Variants in GRM7 observed in about 807,000 individuals in gnomAD.
GRM7 encodes glutamate metabotropic receptor 7.
In GRM7, 35 loss-of-function variants were observed where a neutral mutation model predicts 84.5. The ratio of observed to expected loss-of-function variants is 0.41; its 90% CI spans 0.32 to 0.55. The LOEUF is 0.55. GRM7 is among the 20% of genes least tolerant of loss of function. The pLI is 0.19. For synonymous variants in GRM7, 487 were observed against 455.1 expected (o/e 1.07, Z -0.89); for missense variants, 1,003 against 1,194.6 (o/e 0.84, Z 2.36).
chr3:7,074,407 A>G (rs1163402638), intron 1 of GRM7, among the ~76,000 whole-genome samples: 2 of 152,200 alleles, frequency 1.3e-5, no homozygotes, highest in South Asian at 2.1e-4. Context: ...GCTCTGTGCA[A>G]CACTGCTCTC....
At position 7,477,807 on chromosome 3, in the gene GRM7, A is replaced by G. The variant is rs139754056; in HGVS notation, c.1515+16085A>G. Among the ~76,000 whole-genome samples, 559 of 152,248 alleles carry G rather than the reference A, an allele frequency of 3.7e-3. 4 individuals carry two copies. Among genetic ancestry groups the G allele is most frequent in the African/African-American group, 0.013 (533 of 41,550 alleles). The stretch of plus-strand genomic sequence containing the variant: ...CTCTCCTTGTGAAGCCTGTATCTCC[A>G]GTTAAAAAGTAAAATCACACACGCA... On this transcript the variant is annotated intron_variant, in intron 7 of 9. Transcript: ENST00000357716.
chr3:7,239,691 C>T (rs776421919), intron 2 of GRM7, among the ~76,000 whole-genome samples: 1 of 152,126 alleles, frequency 6.6e-6, no homozygotes, highest in Non-Finnish European at 1.5e-5. Context: ...CATTTTTGAT[C>T]TGGGAAAATT....
intron 1 of GRM7, among the ~76,000 whole-genome samples, chr3:7,030,376 G>A (rs908070838): frequency 6.6e-6 from 1 of 152,106 alleles, no homozygotes; most frequent in Non-Finnish European, 1.5e-5. Context: ...CACTTTTGGG[G>A]GTGGGAGATA....
chr3:7,004,132 A>C (rs967416352), intron 1 of GRM7, among the ~76,000 whole-genome samples: 7 of 152,224 alleles, frequency 4.6e-5, no homozygotes, highest in African/African-American at 1.7e-4. Flanking sequence ...TAACCTGATA[A>C]GTCATACTCC....
intron 2 of GRM7, among the ~76,000 whole-genome samples, chr3:7,212,847 T>C (rs975456040): frequency 6.6e-6 from 1 of 152,212 alleles, no homozygotes; most frequent in African/African-American, 2.4e-5. Flanking sequence ...CTGTCAGGCA[T>C]TGAGAAGACA....
chr3:7,461,827 C>A, intron 7 of GRM7, 105 bp downstream of exon 7: 1 of 1,017,144 alleles, frequency 9.8e-7, no homozygotes, highest in Non-Finnish European at 1.5e-6. Flanking sequence ...TGTGCATATA[C>A]AAGTGAGCAT....
At chr3:7,136,366 G>A (rs1163419800) in intron 1 of GRM7, among the ~76,000 whole-genome samples, 1 of 151,726 alleles carries the variant, frequency 6.6e-6, no homozygotes, top group African/African-American at 2.4e-5. Context: ...GTTATGTCTG[G>A]CAAAGTTTGA....
At chr3:7,692,048 T>C (rs896801051) in intron 9 of GRM7, among the ~76,000 whole-genome samples, 1 of 152,328 alleles carries the variant, frequency 6.6e-6, no homozygotes, top group African/African-American at 2.4e-5. Context: ...GAAGTCATGA[T>C]ATCTAGGATT....
At chr3:6,930,820 A>T (rs1697473507) in intron 1 of GRM7, among the ~76,000 whole-genome samples, 2 of 152,290 alleles carry the variant, frequency 1.3e-5, no homozygotes, top group African/African-American at 4.8e-5. Flanking sequence ...TGAGCATAAG[A>T]ATGCGTCTTT....
rs181343772 is a variant in GRM7, at chr3:7,526,541, T to C, written c.1516-51881T>C. Among the ~76,000 whole-genome samples, 553 of 152,012 alleles carry C rather than the reference T, an allele frequency of 3.6e-3. 4 individuals carry two copies. Among genetic ancestry groups the C allele is most frequent in the African/African-American group, 0.012 (503 of 41,360 alleles). On this transcript the variant is annotated intron_variant, in intron 7 of 9. Coordinates refer to ENST00000357716, the MANE Select transcript of GRM7 (RefSeq NM_000844.4). The stretch of plus-strand genomic sequence containing the variant: ...AAAAGTTCTTTAGTTTAATTAGTTC[T>C]TAACTGTCAATTTTTGTTTTTGTTT...
intron 9 of GRM7, among the ~76,000 whole-genome samples, chr3:7,683,540 C>T (rs188382493): frequency 1.3e-5 from 2 of 152,142 alleles, no homozygotes; most frequent in African/African-American, 2.4e-5. Flanking sequence ...TACCTCCAAA[C>T]ATTGGGGTTT....
At chr3:6,873,608 C>A (rs1266474532) in intron 1 of GRM7, among the ~76,000 whole-genome samples, 1 of 152,184 alleles carries the variant, frequency 6.6e-6, no homozygotes, top group African/African-American at 2.4e-5. Flanking sequence ...TAATACAATG[C>A]CTACCACACA....
At chr3:7,476,820 C>CT (rs1308024238) in intron 7 of GRM7, among the ~76,000 whole-genome samples, 2 of 152,172 alleles carry the variant, frequency 1.3e-5, no homozygotes, top group African/African-American at 4.8e-5. Flanking sequence ...TGTCTTGAAT[C>CT]TGTCACATTC....
chr3:6,949,368 A>G (rs989050019), intron 1 of GRM7, among the ~76,000 whole-genome samples: 9 of 152,180 alleles, frequency 5.9e-5, no homozygotes, highest in Non-Finnish European at 1.3e-4. Flanking sequence ...TTCTTTAGGA[A>G]TATTGAATAT....
chr3:7,661,865 T>A lies in GRM7; in HGVS notation c.2452-18184T>A, dbSNP rs942066606. On this transcript the variant is annotated intron_variant, in intron 8 of 9. Transcript: ENST00000357716. ...TTTGGAAAATACTTTGGCAATTTTT[T>A]AACAAGTTCAGCATATACCTACCAC... is the stretch of plus-strand genomic sequence containing the variant. Among the ~76,000 whole-genome samples, 3 of 149,082 alleles carry A rather than the reference T, an allele frequency of 2.0e-5. No homozygotes were observed. The East Asian group carries it at 6.0e-4, about 30-fold the overall frequency.
At position 7,376,975 on chromosome 3, in the gene GRM7, C is replaced by A. The variant is rs1499208; in HGVS notation, c.1034-38048C>A. On this transcript the variant is annotated intron_variant, in intron 4 of 9. Coordinates refer to ENST00000357716, the MANE Select transcript of GRM7 (RefSeq NM_000844.4). ...TGTCACTAGACAATGCCAAACGTCCCCTGGGGGACGAAATCACTTTCAGTT... is the reference window on the plus strand; with the variant it reads ...TGTCACTAGACAATGCCAAACGTCCACTGGGGGACGAAATCACTTTCAGTT... Among the ~76,000 whole-genome samples the A allele has an allele frequency of 4.9e-3, 745 of 152,106 alleles. 10 individuals carry two copies. Among genetic ancestry groups the A allele is most frequent in the African/African-American group, 0.017 (718 of 41,506 alleles).
At chr3:7,313,190 A>G (rs962800547) in intron 4 of GRM7, among the ~76,000 whole-genome samples, 1 of 151,844 alleles carries the variant, frequency 6.6e-6, no homozygotes, top group Non-Finnish European at 1.5e-5. Flanking sequence ...CAGCCCCCCA[A>G]AGTGCTGGGA....
chr3:7,480,526 A>AC (rs1192610327), intron 7 of GRM7, among the ~76,000 whole-genome samples: 1 of 152,038 alleles, frequency 6.6e-6, no homozygotes, highest in Non-Finnish European at 1.5e-5. Context: ...CATAATATCC[A>AC]CCCCACCAGT....
intron 8 of GRM7, among the ~76,000 whole-genome samples, chr3:7,606,257 CT>C (rs146626058): frequency 6.6e-6 from 1 of 151,536 alleles, no homozygotes. Context: ...TCTAGCTCCT[CT>C]TTTTTTTTAT....
Sources: allele counts gnomAD v4.1 joint callset (sites outside exome capture counted in the v4.1 genomes callset), GRCh38; gene constraint gnomAD v4.1.1; transcripts MANE v1.5; gene names NCBI Gene and HGNC (gene_info 2026-07-23, HGNC 2026-07-21).